Variants in LRP8 observed in about 807,000 individuals in gnomAD.
LRP8 encodes low-density lipoprotein receptor-related protein 8.
Under a neutral mutation model 111.6 loss-of-function variants are expected in LRP8, and 46 were observed. The ratio of observed to expected loss-of-function variants is 0.41; its 90% CI spans 0.33 to 0.53. The LOEUF (loss-of-function observed/expected upper bound fraction) is 0.53, where lower values mean the gene tolerates loss of function less well. Ranked by LOEUF, LRP8 falls within the 20% of genes least tolerant of loss-of-function variation. The pLI, the probability that LRP8 is intolerant of heterozygous loss-of-function variation, is 0.20. For synonymous variants in LRP8, 464 were observed against 511.2 expected (o/e 0.91, Z 1.24); for missense variants, 959 against 1,297.4 (o/e 0.74, Z 4.01).
At chr1:53,327,643 A>G (rs1655336492) in intron 1 of LRP8, 146 bp downstream of exon 1, 1 of 1,244,858 alleles carries the variant, frequency 8.0e-7, no homozygotes, top group Non-Finnish European at 1.0e-6. Context: ...GGGCAAATTC[A>G]GGAATAGCCG....
At position 53,249,452 on chromosome 1, in the gene LRP8, C is replaced by T. The variant is rs553446297; in HGVS notation, c.2781G>A (p.Pro927=). The T allele has an allele frequency of 1.1e-5, 17 of 1,614,084 alleles. No individual in the cohort carries two copies. Among genetic ancestry groups the T allele is most frequent in the South Asian group, 3.3e-5 (3 of 91,080 alleles). The change falls in exon 18 of 19, where the codon CCG becomes CCA. Residue 927 remains proline (P), a synonymous_variant. Transcript: ENST00000306052. This position sits in a 1 kb window ranked among gnomAD's most constrained non-coding sequence, Gnocchi z 4.1. ...APALKELFVL[P]GEPRSQLHQL... is the part of the protein sequence containing the mutation. ...GGTGCAGCTGTGACCTTGGTTCCCC[C>T]GGCAAGACAAAAAGCTCCTTGAGGG...
chr1:53,251,782 G>A (rs1572421292), intron 16 of LRP8, among the ~76,000 whole-genome samples: 1 of 151,862 alleles, frequency 6.6e-6, no homozygotes, highest in South Asian at 2.1e-4. Flanking sequence ...GGTGGCTCAC[G>A]CCTGTAATCC....
intron 16 of LRP8, among the ~76,000 whole-genome samples, chr1:53,254,456 C>T (rs1187673652): frequency 6.6e-6 from 1 of 151,974 alleles, no homozygotes; most frequent in Non-Finnish European, 1.5e-5. Flanking sequence ...CTTCCCCCTC[C>T]CCCAGCCCAA....
At position 53,289,680 on chromosome 1, in the gene LRP8, G is replaced by T. The variant is rs772516019; in HGVS notation, c.254C>A (p.Thr85Asn). Reference sequence around the variant, plus strand: ...ACAGGTGAAGTCACTGTCTGCACAGGTCTTCTTGGCTGCAGGGCAAGGAAG... The same window carrying T: ...ACAGGTGAAGTCACTGTCTGCACAGTTCTTCTTGGCTGCAGGGCAAGGAAG... ...HSDEDDCPKK[T>N]CADSDFTCDN... The change falls in exon 3 of 19, where the codon ACC (threonine) becomes AAC (asparagine). Residue 85 changes from threonine to asparagine, a missense_variant. By Grantham distance (65) the Thr-to-Asn change is moderately conservative. Transcript: ENST00000306052. 10 of 1,613,934 alleles carry T rather than the reference G, an allele frequency of 6.2e-6. No individual in the cohort carries two copies. The highest frequency in any genetic ancestry group is 8.5e-6 in the Non-Finnish European group (10 of 1,179,924).
intron 3 of LRP8, among the ~76,000 whole-genome samples, chr1:53,285,692 T>A (rs544937063): frequency 2.0e-5 from 3 of 152,294 alleles, no homozygotes; most frequent in South Asian, 4.1e-4. Context: ...GACGTGCCTG[T>A]TGTCACCACT....
chr1:53,271,244 T>C lies in LRP8; in HGVS notation c.1109A>G (p.Asp370Gly), dbSNP rs1010977406. 6.2e-7 allele frequency: 1 copy of C among 1,613,660 alleles called. No homozygotes were observed. The highest frequency in any genetic ancestry group is 1.3e-5 in the African/African-American group (1 of 74,766). ...GGTCTCACCGCCACAGGTCTTCTGG[T>C]CCAGGAGCTGGAAGCCTGCTGGGCA... ...CTCPAGFQLLDQKTCGDIDEC... is the reference protein window; with the variant it reads ...CTCPAGFQLLGQKTCGDIDEC... Residue 370 changes from aspartate to glycine, a missense_variant, in exon 7 of 19, where the codon GAC (aspartate) becomes GGC (glycine). Physicochemically the swap from Asp to Gly is moderately conservative, Grantham distance 94. Coordinates refer to ENST00000306052, the MANE Select transcript of LRP8 (RefSeq NM_004631.5).
intron 1 of LRP8, chr1:53,327,325 G>C (rs558498609): frequency 1.4e-5 from 4 of 282,760 alleles, no homozygotes; most frequent in Non-Finnish European, 2.6e-5. Flanking sequence ...GCGCCCGCGC[G>C]CCAGGCGCAG....
intron 4 of LRP8, among the ~76,000 whole-genome samples, 174 bp downstream of exon 4, chr1:53,280,413 A>G (rs1293629896): frequency 6.6e-6 from 1 of 152,190 alleles, no homozygotes; most frequent in Admixed American, 6.5e-5. Flanking sequence ...TGTGAAGATG[A>G]AAGAAGACCA....
At chr1:53,302,501 G>A (rs145292162) in intron 2 of LRP8, among the ~76,000 whole-genome samples, 9 of 152,156 alleles carry the variant, frequency 5.9e-5, no homozygotes, top group South Asian at 2.1e-4. Flanking sequence ...TCACCACCCC[G>A]GAGTCTAACC....
intron 2 of LRP8, among the ~76,000 whole-genome samples, chr1:53,301,069 C>T (rs1409137697): frequency 6.6e-6 from 1 of 152,054 alleles, no homozygotes; most frequent in Non-Finnish European, 1.5e-5. Context: ...TCAGCACCCG[C>T]TCCGGGAGGG....
chr1:53,278,341 G>GC (rs1218164373), intron 4 of LRP8, among the ~76,000 whole-genome samples: 1 of 152,252 alleles, frequency 6.6e-6, no homozygotes, highest in African/African-American at 2.4e-5. Flanking sequence ...ATGGGGGTAG[G>GC]CCCCGGTGGG....
chr1:53,320,096 A>C (rs1002044495), intron 2 of LRP8, among the ~76,000 whole-genome samples: 1 of 152,262 alleles, frequency 6.6e-6, no homozygotes, highest in Non-Finnish European at 1.5e-5. Flanking sequence ...GCACCGGCTG[A>C]AGGAGGTCTT....
At position 53,249,996 on chromosome 1, in the gene LRP8, G is replaced by A. The variant is rs1645844580; in HGVS notation, c.2677-440C>T. 6.6e-6 allele frequency among the ~76,000 whole-genome samples: 1 copy of A among 152,230 alleles called. No individual in the cohort carries two copies. The highest frequency in any genetic ancestry group is 2.4e-5 in the African/African-American group (1 of 41,466). Reference sequence around the variant, plus strand: ...CTGAGTAAAAGACAAGTGGACTACAGTGTGACAGGGGCTGTGAGGTAGAGA... The same window carrying A: ...CTGAGTAAAAGACAAGTGGACTACAATGTGACAGGGGCTGTGAGGTAGAGA... On this transcript the variant is annotated intron_variant, in intron 17 of 18. Transcript: ENST00000306052. This position sits in a 1 kb window ranked among gnomAD's most constrained non-coding sequence, Gnocchi z 4.1.
At chr1:53,265,161 T>C (rs1393867075) in intron 9 of LRP8, among the ~76,000 whole-genome samples, 1 of 152,140 alleles carries the variant, frequency 6.6e-6, no homozygotes, top group Non-Finnish European at 1.5e-5. Flanking sequence ...AAGAATACAG[T>C]AGACACTCAG....
intron 8 of LRP8, among the ~76,000 whole-genome samples, chr1:53,269,317 A>G (rs1395811062): frequency 6.6e-6 from 1 of 150,970 alleles, no homozygotes; most frequent in Admixed American, 6.6e-5. Flanking sequence ...ATTTATTATT[A>G]TTATTATTTT....
chr1:53,274,498 T>C (rs1019136554), intron 6 of LRP8, among the ~76,000 whole-genome samples: 1 of 152,164 alleles, frequency 6.6e-6, no homozygotes, highest in Non-Finnish European at 1.5e-5. Context: ...ATGGACAAGC[T>C]CTTAGCACTT....
rs1301067441 is a variant in LRP8 at position 53,249,802 on chromosome 1, T to C, written c.2677-246A>G. On this transcript the variant is annotated intron_variant, in intron 17 of 18. Transcript: ENST00000306052. The surrounding 1 kb of genome is among the most constrained non-coding windows in gnomAD (Gnocchi z 4.1). Reference sequence around the variant, plus strand: ...CATCTGTCACCTTCTCTGTGAGGCATTCCTTGCCTGATTCCCCAGACAGAA... The same window carrying C: ...CATCTGTCACCTTCTCTGTGAGGCACTCCTTGCCTGATTCCCCAGACAGAA... Among the ~76,000 whole-genome samples, 2 of 152,196 alleles carry C rather than the reference T, an allele frequency of 1.3e-5. No homozygotes were observed. Among genetic ancestry groups the C allele is most frequent in the Non-Finnish European group, 2.9e-5 (2 of 67,984 alleles).
At chr1:53,310,331 C>T (rs1385739940) in intron 2 of LRP8, among the ~76,000 whole-genome samples, 2 of 152,028 alleles carry the variant, frequency 1.3e-5, no homozygotes, top group African/African-American at 4.8e-5. Context: ...AGGAGGTCTT[C>T]CTCCAGCCCA....
chr1:53,271,412 G>T, intron 6 of LRP8, 66 bp from the exon 7 acceptor site: 1 of 1,597,318 alleles, frequency 6.3e-7, no homozygotes, highest in Non-Finnish European at 8.6e-7. Flanking sequence ...GGCAGGGGTA[G>T]GACCTAGAGC....
Sources: allele counts gnomAD v4.1 joint callset (sites outside exome capture counted in the v4.1 genomes callset), GRCh38; gene constraint gnomAD v4.1.1; non-coding constraint Gnocchi (gnomAD v3.1); transcripts MANE v1.5; gene names NCBI Gene and HGNC (gene_info 2026-07-23, HGNC 2026-07-21).